ATG7: variants seen among roughly 807,000 people sequenced by gnomAD.
ATG7 encodes the protein ubiquitin-like modifier-activating enzyme ATG7.
Under a neutral mutation model 82.4 loss-of-function variants are expected in ATG7, and 70 were observed. The observed-to-expected ratio is 0.85, with a 90% CI of 0.70 to 1.04. The LOEUF is 1.04. Among genes scored for constraint, ATG7 ranks in the 50% least tolerant of loss-of-function variants. The probability of loss-of-function intolerance (pLI) is 0.00; values close to 1 mark genes in which losing one functional copy is unlikely to be tolerated. For synonymous variants in ATG7, 287 were observed against 313.0 expected (o/e 0.92, Z 0.88); for missense variants, 792 against 864.3 (o/e 0.92, Z 1.05).
At chr3:11,512,737 G>T (rs940540441) in intron 20 of ATG7, among the ~76,000 whole-genome samples, 40 of 152,322 alleles carry the variant, frequency 2.6e-4, no homozygotes, top group Admixed American at 7.8e-4. Flanking sequence ...ATTGCAAAGA[G>T]CTAAAGAACA....
chr3:11,432,557 TTGGGTGACAAG>T (rs1012696042), intron 20 of ATG7, among the ~76,000 whole-genome samples: 2 of 152,100 alleles, frequency 1.3e-5, no homozygotes, highest in African/African-American at 2.4e-5. Flanking sequence ...TGTACACTGC[TTGGGTGACAAG>T]TGGACTAAAA....
chr3:11,362,384 G>A (rs2076340445), intron 16 of ATG7, among the ~76,000 whole-genome samples: 2 of 152,198 alleles, frequency 1.3e-5, no homozygotes, highest in Non-Finnish European at 2.9e-5. Flanking sequence ...CCATCTCACG[G>A]TCACTTTGAG....
chr3:11,382,898 C>T (rs549284152), intron 19 of ATG7, among the ~76,000 whole-genome samples: 8 of 152,252 alleles, frequency 5.3e-5, no homozygotes, highest in South Asian at 4.1e-4. Flanking sequence ...TTTTGCCCCA[C>T]GTATATTTGC....
At chr3:11,447,760 A>G (rs561919989) in intron 20 of ATG7, among the ~76,000 whole-genome samples, 7 of 152,296 alleles carry the variant, frequency 4.6e-5, no homozygotes, top group Admixed American at 2.6e-4. Context: ...CCTGGGTCAC[A>G]TGCCATCTCT....
chr3:11,537,194 C>T (rs1049372760), intron 20 of ATG7, among the ~76,000 whole-genome samples: 1 of 152,150 alleles, frequency 6.6e-6, no homozygotes, highest in African/African-American at 2.4e-5. Flanking sequence ...CGGGCTGGCT[C>T]CTTCCTTCCT....
intron 20 of ATG7, among the ~76,000 whole-genome samples, chr3:11,460,291 G>A (rs1423253371): frequency 6.6e-6 from 1 of 152,154 alleles, no homozygotes; most frequent in Non-Finnish European, 1.5e-5. Flanking sequence ...GTGTCCTCTT[G>A]TCCTTCGGTA....
chr3:11,556,577 C>G lies in ATG7; in HGVS notation c.*1734C>G, dbSNP rs1283400987. Reference sequence around the variant, plus strand: ...TTCTCATAGAATAACTGTTCCTGCACTTTTACAGACAAATCTACGACAAAA... The same window carrying G: ...TTCTCATAGAATAACTGTTCCTGCAGTTTTACAGACAAATCTACGACAAAA... On this transcript the variant is annotated 3_prime_UTR_variant, in exon 21 of 21. Transcript: ENST00000693202. The G allele has an allele frequency of 1.3e-5, 2 of 152,430 alleles. No individual in the cohort carries two copies. Among genetic ancestry groups the G allele is most frequent in the East Asian group, 3.8e-4 (2 of 5,308 alleles). The allele number at this position is 152,430 out of a possible 1,614,324, so 9.4% of individuals were successfully genotyped here. A position where few individuals can be genotyped will look rare whatever the true frequency, so the allele number is the denominator to read the frequency against.
Position 11,342,171 on chromosome 3 carries a change from G to C in ATG7, c.1017G>C (p.Leu339=). 6.2e-7 allele frequency: 1 copy of C among 1,613,144 alleles called. No homozygotes were observed. The highest frequency in any genetic ancestry group is 8.5e-7 in the Non-Finnish European group (1 of 1,179,916). Residue 339 remains leucine, a synonymous_variant, in exon 13 of 21, where the codon CTG becomes CTC. Transcript: ENST00000693202. ...CATCAGTGGATCTAAATCTCAAACT[G>C]ATGTGTTGGAGATTGGTTCCTACTT... The part of the protein sequence containing the change: ...AESSVDLNLK[L]MCWRLVPTLD...
chr3:11,492,329 G>C (rs1332387710), intron 20 of ATG7, among the ~76,000 whole-genome samples: 1 of 152,140 alleles, frequency 6.6e-6, no homozygotes, highest in Non-Finnish European at 1.5e-5. Flanking sequence ...GCTCGCACAC[G>C]GTGCTCTGCA....
intron 9 of ATG7, among the ~76,000 whole-genome samples, chr3:11,330,414 A>G (rs1027421731): frequency 2.0e-5 from 3 of 152,166 alleles, no homozygotes; most frequent in Non-Finnish European, 4.4e-5. Context: ...TCAACATCAT[A>G]TTATTTATAT....
chr3:11,563,622 C>T, the ATG7 span, among the ~76,000 whole-genome samples: 1 of 152,344 alleles, frequency 6.6e-6, no homozygotes. Flanking sequence ...AAATGAACAG[C>T]AGTGATAACT....
chr3:11,403,622 TAATC>T (rs1305705709), intron 19 of ATG7, among the ~76,000 whole-genome samples: 6 of 152,222 alleles, frequency 3.9e-5, no homozygotes, highest in Admixed American at 2.0e-4. Flanking sequence ...ATGTTATTGA[TAATC>T]AATTATTAAG....
At chr3:11,416,832 C>T (rs2081408861) in intron 19 of ATG7, among the ~76,000 whole-genome samples, 1 of 152,090 alleles carries the variant, frequency 6.6e-6, no homozygotes. Context: ...TATATTATTT[C>T]AGTGATACAG....
intron 20 of ATG7, chr3:11,477,077 C>T: frequency 7.9e-7 from 1 of 1,267,178 alleles, no homozygotes; most frequent in Non-Finnish European, 1.0e-6. Context: ...AACTGGCAAT[C>T]AGTTATTGCA....
chr3:11,462,236 G>A (rs1296640829), intron 20 of ATG7, among the ~76,000 whole-genome samples: 1 of 151,940 alleles, frequency 6.6e-6, no homozygotes, highest in Non-Finnish European at 1.5e-5. Context: ...AAGGTTCAGG[G>A]CCCTCTCGTC....
intron 8 of ATG7, among the ~76,000 whole-genome samples, chr3:11,314,405 T>C (rs940963150): frequency 5.1e-4 from 28 of 55,122 alleles, no homozygotes; most frequent in Middle Eastern, 0.014. Context: ...CATTATTGAT[T>C]AAATTTTTTT....
At chr3:11,402,264 T>A (rs1239116939) in intron 19 of ATG7, among the ~76,000 whole-genome samples, 1 of 152,094 alleles carries the variant, frequency 6.6e-6, no homozygotes, top group Non-Finnish European at 1.5e-5. Context: ...AAACCCGGTT[T>A]CTACTAGAAA....
intron 5 of ATG7, chr3:11,304,507 T>TC (rs1247004875): frequency 1.3e-5 from 2 of 152,254 alleles, no homozygotes; most frequent in African/African-American, 4.8e-5. Flanking sequence ...TTCCCAGCGT[T>TC]CCCTGTGGGC....
At chr3:11,459,555 T>C (rs981645996) in intron 20 of ATG7, among the ~76,000 whole-genome samples, 1 of 152,050 alleles carries the variant, frequency 6.6e-6, no homozygotes, top group Non-Finnish European at 1.5e-5. Context: ...GCTTCCAAAA[T>C]TCAACATGAA....
Sources: allele counts gnomAD v4.1 joint callset (sites outside exome capture counted in the v4.1 genomes callset), GRCh38; gene constraint gnomAD v4.1.1; transcripts MANE v1.5; gene names NCBI Gene and HGNC (gene_info 2026-07-23, HGNC 2026-07-21).